NALCN: variants seen among roughly 807,000 people sequenced by gnomAD.
NALCN encodes the protein sodium leak channel NALCN.
NALCN carries 111 observed loss-of-function variants against 225.3 expected under a neutral mutation model. The ratio of observed to expected loss-of-function variants is 0.49; its 90% CI spans 0.42 to 0.58. The LOEUF is 0.58. NALCN is among the 20% of genes least tolerant of loss of function. The probability of loss-of-function intolerance (pLI) is 0.00; values close to 1 mark genes in which losing one functional copy is unlikely to be tolerated. For missense variants in NALCN, 1,378 were observed against 2,202.4 expected, an observed-to-expected ratio of 0.63 and a Z score of 7.49; for synonymous variants, 764 against 769.0, an observed-to-expected ratio of 0.99 and a Z score of 0.11.
intron 6 of NALCN, among the ~76,000 whole-genome samples, chr13:101,355,526 C>T (rs888635339): frequency 6.6e-6 from 1 of 152,152 alleles, no homozygotes; most frequent in Admixed American, 6.5e-5. Flanking sequence ...GCACCCAATA[C>T]AGGAGCACCC....
chr13:101,095,562 TG>T lies in NALCN; in HGVS notation c.3269+11del. 6.3e-7 allele frequency: 1 copy of T among 1,596,802 alleles called. No homozygotes were observed. The highest frequency in any genetic ancestry group is 1.7e-4 in the Middle Eastern group (1 of 6,012). On this transcript the variant is annotated intron_variant, in intron 28 of 43. Transcript: ENST00000251127. Reference sequence around the variant, plus strand: ...CACCATTCTTCAGAATATTTTTTTATGATATACTTACCAAACACGGGGCACC... The same window carrying T: ...CACCATTCTTCAGAATATTTTTTTATATATACTTACCAAACACGGGGCACC...
rs3061766 is a variant in NALCN, at chr13:101,278,522, C to CAAAA, written c.1134+5407_1134+5410dup. On this transcript the variant is annotated intron_variant, in intron 10 of 43. Transcript: ENST00000251127. ...TGGGCAGGAGAGTGAGACTCTGTCTCAAAAAAAAAAAAAAAAAAAAAAAAG... is the reference window on the plus strand; with the variant it reads ...TGGGCAGGAGAGTGAGACTCTGTCTCAAAAAAAAAAAAAAAAAAAAAAAAAAAAG... 2.7e-3 allele frequency among the ~76,000 whole-genome samples: 233 copies of CAAAA among 87,002 alleles called. 6 individuals are homozygous for CAAAA. The highest frequency in any genetic ancestry group is 8.2e-3 in the African/African-American group (143 of 17,400). 57.1% of individuals were successfully genotyped at this position (87,002 alleles called of 152,430 possible).
intron 15 of NALCN, among the ~76,000 whole-genome samples, chr13:101,163,925 TG>T (rs1291079822): frequency 6.6e-6 from 1 of 152,196 alleles, no homozygotes; most frequent in Non-Finnish European, 1.5e-5. Context: ...CTGCTTGTGA[TG>T]CCAGCAATCC....
At chr13:101,272,506 T>C (rs2042829431) in intron 10 of NALCN, among the ~76,000 whole-genome samples, 1 of 152,158 alleles carries the variant, frequency 6.6e-6, no homozygotes, top group African/African-American at 2.4e-5. Flanking sequence ...AATGACCAAA[T>C]ATAATCAAGG....
chr13:101,181,445 C>T, intron 14 of NALCN: 11 of 428,254 alleles, frequency 2.6e-5, no homozygotes, highest in South Asian at 1.9e-4. Context: ...GCATGTAATG[C>T]AGCAAGTTTA....
intron 7 of NALCN, among the ~76,000 whole-genome samples, chr13:101,310,486 CT>C (rs928846309): frequency 6.6e-6 from 1 of 152,138 alleles, no homozygotes; most frequent in African/African-American, 2.4e-5. Context: ...TTCCCAACTA[CT>C]ACATTTTCCT....
At chr13:101,207,537 G>T (rs1354897628) in intron 13 of NALCN, among the ~76,000 whole-genome samples, 2 of 152,114 alleles carry the variant, frequency 1.3e-5, no homozygotes, top group Non-Finnish European at 2.9e-5. Flanking sequence ...AATTCATCAA[G>T]AAAATGTTTT....
chr13:101,103,740 G>A (rs2034951461), intron 25 of NALCN, among the ~76,000 whole-genome samples: 1 of 152,110 alleles, frequency 6.6e-6, no homozygotes, highest in Non-Finnish European at 1.5e-5. Context: ...TCTCTGCAAA[G>A]ACATTGATTT....
chr13:101,166,436 G>T (rs2038442610), intron 15 of NALCN, among the ~76,000 whole-genome samples: 1 of 151,632 alleles, frequency 6.6e-6, no homozygotes. Context: ...CATTCTAATA[G>T]GTATAAAGTG....
intron 13 of NALCN, among the ~76,000 whole-genome samples, chr13:101,193,491 T>A (rs1483890003): frequency 1.3e-5 from 2 of 152,210 alleles, no homozygotes; most frequent in African/African-American, 2.4e-5. Context: ...TTCTTCCACT[T>A]ATCCTTTGTC....
chr13:101,124,742 A>G, intron 17 of NALCN, 61 bp from the exon 18 acceptor site: 1 of 1,277,928 alleles, frequency 7.8e-7, no homozygotes, highest in Non-Finnish European at 1.1e-6. Context: ...ATACTGTCAA[A>G]TCATTCAATA....
chr13:101,338,654 T>C (rs1481190765), intron 7 of NALCN, among the ~76,000 whole-genome samples: 1 of 152,220 alleles, frequency 6.6e-6, no homozygotes, highest in African/African-American at 2.4e-5. Context: ...ATATATGGTA[T>C]ATTTTGTGTT....
intron 11 of NALCN, among the ~76,000 whole-genome samples, chr13:101,256,758 C>A (rs567405363): frequency 8.2e-6 from 1 of 121,284 alleles, no homozygotes; most frequent in Non-Finnish European, 1.6e-5. Context: ...GTCTAGGCTT[C>A]TTTCTGCTTT....
chr13:101,259,732 G>GTGTATATATATATATA (rs1555324888), intron 10 of NALCN, among the ~76,000 whole-genome samples: 2 of 119,388 alleles, frequency 1.7e-5, no homozygotes, highest in East Asian at 2.6e-4. Flanking sequence ...CATAGTAAGT[G>GTGTATATATATATATA]TATATATATA....
chr13:101,081,589 G>A lies in NALCN; in HGVS notation c.3823C>T (p.Arg1275Ter), dbSNP rs569371758. 2.5e-6 allele frequency: 4 copies of A among 1,614,084 alleles called. No individual in the cohort carries two copies. The highest frequency in any genetic ancestry group is 2.2e-5 in the East Asian group (1 of 44,854). Residue 1275 changes from arginine to a stop codon, truncating the protein, a stop_gained, in exon 34 of 44, where the codon CGA (arginine) becomes TGA (stop). Transcript: ENST00000251127. LOFTEE classifies it high-confidence loss of function. ...AGCGACGTCACCAGGAGATCGTATC[G>A]GTTTCTTCTGCTTTGCCAGAAGCCA... The part of the protein sequence containing the change: ...PAGFWQSRRN[R>*]YDLLVTSLGV...
intron 13 of NALCN, among the ~76,000 whole-genome samples, chr13:101,200,735 A>C (rs2040085371): frequency 6.6e-6 from 1 of 152,128 alleles, no homozygotes; most frequent in East Asian, 1.9e-4. Flanking sequence ...CCCATTTCTG[A>C]CCCTAAATAT....
intron 13 of NALCN, among the ~76,000 whole-genome samples, chr13:101,205,102 A>C (rs1477284302): frequency 6.6e-6 from 1 of 152,152 alleles, no homozygotes; most frequent in Non-Finnish European, 1.5e-5. Flanking sequence ...GGTAAAAGAC[A>C]TTTAAGATCT....
intron 10 of NALCN, among the ~76,000 whole-genome samples, chr13:101,270,352 C>T (rs1462280273): frequency 6.6e-6 from 1 of 152,204 alleles, no homozygotes; most frequent in Non-Finnish European, 1.5e-5. Flanking sequence ...TAAATTCCTA[C>T]ATCTAGAATC....
chr13:101,116,437 T>C (rs1464368640), intron 18 of NALCN: 2 of 449,514 alleles, frequency 4.4e-6, no homozygotes, highest in South Asian at 1.8e-5. Context: ...CCAAAGATTA[T>C]GGTTATAAGA....
Sources: allele counts gnomAD v4.1 joint callset (sites outside exome capture counted in the v4.1 genomes callset), GRCh38; gene constraint gnomAD v4.1.1; transcripts MANE v1.5; gene names NCBI Gene and HGNC (gene_info 2026-07-23, HGNC 2026-07-21).